Variants in TRHDE observed in about 807,000 individuals in gnomAD.
TRHDE encodes the protein thyrotropin-releasing hormone-degrading ectoenzyme.
In TRHDE, 72 loss-of-function variants were observed where a neutral mutation model predicts 125.7. That is an observed-to-expected ratio of 0.57 (90% CI 0.47 to 0.70). The LOEUF is 0.70. Among genes scored for constraint, TRHDE ranks in the 30% least tolerant of loss-of-function variants. The pLI, the probability that TRHDE is intolerant of heterozygous loss-of-function variation, is 0.00. For synonymous variants in TRHDE, 509 were observed against 509.1 expected, an observed-to-expected ratio of 1.00 and a Z score of 0.00; for missense variants, 1,110 against 1,327.1, an observed-to-expected ratio of 0.84 and a Z score of 2.54.
intron 5 of TRHDE, among the ~76,000 whole-genome samples, chr12:72,486,403 G>C (rs749091707): frequency 1.5e-4 from 23 of 152,152 alleles, no homozygotes; most frequent in Admixed American, 3.3e-4. Flanking sequence ...ATGACACCAA[G>C]AGAGATCCCC....
intron 17 of TRHDE, among the ~76,000 whole-genome samples, chr12:72,654,782 CTTTT>C (rs1235922533): frequency 6.6e-6 from 1 of 152,040 alleles, no homozygotes; most frequent in Non-Finnish European, 1.5e-5. Context: ...TTATTCCTCT[CTTTT>C]TTTGTGACCA....
intron 2 of TRHDE, among the ~76,000 whole-genome samples, chr12:72,136,269 A>C (rs903901038): frequency 3.3e-5 from 5 of 152,186 alleles, no homozygotes; most frequent in South Asian, 2.1e-4. Flanking sequence ...CATTAACATT[A>C]GTGTCAGCAT....
rs117423925 is a variant in TRHDE, at chr12:72,536,011, C to G, written c.1723-6280C>G. ...ACTTGGACAAAGCACCTAATCCCTT[C>G]ACCTCAGTCTCTCCTGTATGTCAAC... On this transcript the variant is annotated intron_variant, in intron 6 of 18. Coordinates refer to ENST00000261180, the MANE Select transcript of TRHDE (RefSeq NM_013381.3). Among the ~76,000 whole-genome samples, 120 of 152,258 alleles carry G rather than the reference C, an allele frequency of 7.9e-4. 1 individual carries two copies. In the East Asian group the frequency reaches 0.022, roughly 28 times the overall value.
At chr12:72,563,062 G>T in intron 9 of TRHDE, 22 bp downstream of exon 9, 1 of 1,493,524 alleles carries the variant, frequency 6.7e-7, no homozygotes, top group South Asian at 1.3e-5. Context: ...TTTTTTACGT[G>T]AAAAATATTG....
chr12:72,515,681 A>G (rs1878816371), intron 6 of TRHDE, among the ~76,000 whole-genome samples: 1 of 151,902 alleles, frequency 6.6e-6, no homozygotes, highest in South Asian at 2.1e-4. Flanking sequence ...TTTTGTTGCC[A>G]TTGCTTTTGG....
rs139099653 is a variant in TRHDE, at chr12:72,128,752, G to A, written n.279+23000G>A. Among the ~76,000 whole-genome samples, 26 of 152,198 alleles carry A rather than the reference G, an allele frequency of 1.7e-4. 3 individuals carry two copies. In the Middle Eastern group the frequency reaches 0.01, roughly 60 times the overall value. On this transcript the variant is annotated intron_variant and non_coding_transcript_variant, in intron 2 of 4. Coordinates refer to the TRHDE transcript ENST00000548156. ...AGAAAACATTCAGAGATTTAACAGG[G>A]AGATTACAAAAATGAAAACAGAAAG...
intron 1 of TRHDE, among the ~76,000 whole-genome samples, chr12:72,089,573 C>A (rs968132113): frequency 6.6e-6 from 1 of 152,128 alleles, no homozygotes; most frequent in Non-Finnish European, 1.5e-5. Flanking sequence ...CATGTATTTT[C>A]TTATTTAGTT....
At chr12:72,359,476 TCA>T (rs1440603194) in intron 2 of TRHDE, among the ~76,000 whole-genome samples, 1 of 151,678 alleles carries the variant, frequency 6.6e-6, no homozygotes, top group Non-Finnish European at 1.5e-5. Flanking sequence ...TGTTTCAAAG[TCA>T]CTTTAGAAAA....
At position 72,439,945 on chromosome 12, in the gene TRHDE, C is replaced by T. The variant is rs538507445; in HGVS notation, c.1316-29813C>T. Among the ~76,000 whole-genome samples the T allele has an allele frequency of 2.2e-4, 34 of 151,952 alleles. 1 individual carries two copies. Among genetic ancestry groups the T allele is most frequent in the African/African-American group, 6.5e-4 (27 of 41,506 alleles). On this transcript the variant is annotated intron_variant, in intron 3 of 18. Transcript: ENST00000261180. ...TGAGTGACATTCCTTCTATACCTAACTTGTTGAGAGTTTTTATCAAGAAAG... is the reference window on the plus strand; with the variant it reads ...TGAGTGACATTCCTTCTATACCTAATTTGTTGAGAGTTTTTATCAAGAAAG...
chr12:72,653,850 C>A (rs985126620), intron 17 of TRHDE, among the ~76,000 whole-genome samples: 3 of 152,092 alleles, frequency 2.0e-5, no homozygotes, highest in Non-Finnish European at 4.4e-5. Flanking sequence ...TGTTCCCAGA[C>A]AGTAAGCAGA....
chr12:72,519,762 CATCTTTGTGGTTTT>C (rs1005209319), intron 6 of TRHDE, among the ~76,000 whole-genome samples: 3 of 152,104 alleles, frequency 2.0e-5, no homozygotes, highest in African/African-American at 7.2e-5. Context: ...GTTTTTTCCC[CATCTTTGTGGTTTT>C]ATCTACTTTT....
chr12:72,591,296 A>G (rs1259008275), intron 12 of TRHDE, among the ~76,000 whole-genome samples: 1 of 151,490 alleles, frequency 6.6e-6, no homozygotes, highest in Admixed American at 6.6e-5. Flanking sequence ...ATTTTGAGCT[A>G]TGTTTCTTTG....
intron 2 of TRHDE, among the ~76,000 whole-genome samples, chr12:72,185,705 C>T (rs1565657725): frequency 6.6e-6 from 1 of 150,978 alleles, no homozygotes; most frequent in Non-Finnish European, 1.5e-5. Flanking sequence ...TGTGAGTGCA[C>T]CAATGGACAC....
intron 2 of TRHDE, among the ~76,000 whole-genome samples, chr12:72,237,352 T>C (rs1180554319): frequency 6.6e-6 from 1 of 152,166 alleles, no homozygotes; most frequent in African/African-American, 2.4e-5. Context: ...GGTGGTAAAA[T>C]TGCAGAGAGC....
intron 1 of TRHDE, among the ~76,000 whole-genome samples, chr12:72,279,607 A>G (rs190383787): frequency 3.9e-5 from 6 of 152,304 alleles, no homozygotes; most frequent in Admixed American, 3.9e-4. Context: ...TGCTTTTTCC[A>G]GTTTCCTGGA....
intron 3 of TRHDE, among the ~76,000 whole-genome samples, chr12:72,381,545 G>C (rs971082429): frequency 6.6e-6 from 1 of 151,534 alleles, no homozygotes; most frequent in Non-Finnish European, 1.5e-5. Context: ...ACAGGCGCCC[G>C]CCACTACGCC....
chr12:72,172,999 A>G (rs1876906271), intron 2 of TRHDE, among the ~76,000 whole-genome samples: 1 of 152,204 alleles, frequency 6.6e-6, no homozygotes, highest in Non-Finnish European at 1.5e-5. Flanking sequence ...AAGGTATATC[A>G]GAATACTATT....
chr12:72,108,112 C>T (rs1351896), intron 2 of TRHDE, among the ~76,000 whole-genome samples: 1 of 152,066 alleles, frequency 6.6e-6, no homozygotes, highest in African/African-American at 2.4e-5. Flanking sequence ...CCAGCCAATT[C>T]TGGGAAGTGG....
At chr12:72,367,814 G>A (rs725409) in intron 2 of TRHDE, among the ~76,000 whole-genome samples, 16,155 of 152,178 alleles carry the variant, frequency 0.11, 1,181 homozygotes, top group African/African-American at 0.19. Flanking sequence ...AGAAGTAAAT[G>A]TATTGTTATA....
Sources: gnomAD v4.1 joint callset for allele counts (sites outside exome capture counted in the v4.1 genomes callset) on GRCh38, gnomAD v4.1.1 for gene constraint, MANE v1.5 for transcripts, NCBI Gene and HGNC (gene_info 2026-07-23, HGNC 2026-07-21) for gene names.